The following TRPC1 variants were observed in gnomAD, a reference collection of about 807,000 sequenced individuals.
TRPC1 encodes the protein transient receptor potential cation channel subfamily C member 1, also known as short transient receptor potential channel 1.
Under a neutral mutation model 88.2 loss-of-function variants are expected in TRPC1, and 42 were observed. That is an observed-to-expected ratio of 0.48 (90% CI 0.37 to 0.62). TRPC1 has a LOEUF of 0.62. Among genes scored for constraint, TRPC1 ranks in the 20% least tolerant of loss-of-function variants. The probability of loss-of-function intolerance (pLI) is 0.00; values close to 1 mark genes in which losing one functional copy is unlikely to be tolerated. For synonymous variants in TRPC1, 288 were observed against 331.8 expected (o/e 0.87, Z 1.43); for missense variants, 699 against 957.3 (o/e 0.73, Z 3.56).
At chr3:142,763,195 C>T (rs975087519) in intron 4 of TRPC1, among the ~76,000 whole-genome samples, 7 of 151,880 alleles carry the variant, frequency 4.6e-5, no homozygotes, top group African/African-American at 1.2e-4. Context: ...AGATCTAGTG[C>T]GTAGTTTAAT....
In TRPC1 at chr3:142,728,210, G is replaced by T. The variant is rs545624745; in HGVS notation, c.172+3479G>T. Among the ~76,000 whole-genome samples the T allele has an allele frequency of 2.4e-4, 36 of 152,272 alleles. No homozygotes were observed. The South Asian group carries it at 7.3e-3, about 31-fold the overall frequency. On this transcript the variant is annotated intron_variant, in intron 1 of 12. Transcript: ENST00000476941. ...TCTTGAAATTTCAGCATGGGGTTAGGGGGAGGGATGGAGAGAGCAGGTTTT... is the reference window on the plus strand; with the variant it reads ...TCTTGAAATTTCAGCATGGGGTTAGTGGGAGGGATGGAGAGAGCAGGTTTT...
chr3:142,731,459 A>G (rs1933908490), intron 1 of TRPC1, among the ~76,000 whole-genome samples: 2 of 133,192 alleles, frequency 1.5e-5, no homozygotes, highest in Non-Finnish European at 3.0e-5. Flanking sequence ...ATCTCGGTTC[A>G]CTGCAAGCTC....
chr3:142,767,555 T>C lies in TRPC1; in HGVS notation c.633-10077T>C, dbSNP rs1935435316. Among the ~76,000 whole-genome samples the C allele has an allele frequency of 6.7e-6, 1 of 148,670 alleles. No individual in the cohort carries two copies. The highest frequency in any genetic ancestry group is 1.5e-5 in the Non-Finnish European group (1 of 67,280). On this transcript the variant is annotated intron_variant, in intron 4 of 12. Coordinates refer to ENST00000476941, the MANE Select transcript of TRPC1 (RefSeq NM_001251845.2). The surrounding 1 kb of genome is among the most constrained non-coding windows in gnomAD (Gnocchi z 5.1). ...AGATTATACTTTATTTTTAATGATA[T>C]CTTTGTTAAGATATCTTTATATATA...
At position 142,792,417 on chromosome 3, in the gene TRPC1, G is replaced by GA. The variant is rs942489880; in HGVS notation, c.1438-400dup. 1.5e-4 allele frequency among the ~76,000 whole-genome samples: 23 copies of GA among 151,696 alleles called. No homozygotes were observed. The highest frequency in any genetic ancestry group is 4.1e-4 in the African/African-American group (17 of 41,422). ...TTTTTATTTTGTATTTAAAAGGGGG[G>GA]AAAAAAACTCTGAATTCCAAGTCAA... On this transcript the variant is annotated intron_variant, in intron 8 of 12. Transcript: ENST00000476941. This position sits in a 1 kb window ranked among gnomAD's most constrained non-coding sequence, Gnocchi z 4.0.
chr3:142,725,642 C>G (rs1429264506), intron 1 of TRPC1, among the ~76,000 whole-genome samples: 1 of 152,074 alleles, frequency 6.6e-6, no homozygotes, highest in Admixed American at 6.6e-5. Flanking sequence ...CATGGAAACA[C>G]TAAAATTTTT....
intron 9 of TRPC1, among the ~76,000 whole-genome samples, chr3:142,794,145 T>A (rs889306088): frequency 4.6e-5 from 7 of 152,170 alleles, no homozygotes; most frequent in Admixed American, 1.3e-4. Flanking sequence ...CAAAACACAG[T>A]AAGCCATAGA....
intron 3 of TRPC1, among the ~76,000 whole-genome samples, chr3:142,746,322 CTT>C (rs1934553637): frequency 3.3e-5 from 5 of 151,914 alleles, no homozygotes; most frequent in Non-Finnish European, 5.9e-5. Context: ...GAACTTTAAT[CTT>C]ATGCATATCT....
intron 4 of TRPC1, among the ~76,000 whole-genome samples, chr3:142,771,417 C>A (rs1020781107): frequency 1.3e-5 from 2 of 152,034 alleles, no homozygotes; most frequent in Non-Finnish European, 2.9e-5. Flanking sequence ...CTCAAGCAGT[C>A]CCCCCGCCAG....
intron 1 of TRPC1, among the ~76,000 whole-genome samples, chr3:142,733,627 T>A (rs1934017761): frequency 6.6e-6 from 1 of 152,240 alleles, no homozygotes. Flanking sequence ...CTATTTGCTA[T>A]ACCTGAAATT....
At chr3:142,790,751 T>G (rs993051698) in intron 7 of TRPC1, among the ~76,000 whole-genome samples, 2 of 152,140 alleles carry the variant, frequency 1.3e-5, no homozygotes, top group African/African-American at 4.8e-5. Context: ...TGTGCCCATG[T>G]GTGTTTGGCA....
chr3:142,744,865 C>T (rs549300233), intron 3 of TRPC1, among the ~76,000 whole-genome samples: 2 of 151,912 alleles, frequency 1.3e-5, no homozygotes, highest in Non-Finnish European at 2.9e-5. Flanking sequence ...TTATTGGTGA[C>T]GATACCGTGA....
At chr3:142,769,866 G>C (rs1935517909) in intron 4 of TRPC1, among the ~76,000 whole-genome samples, 1 of 152,082 alleles carries the variant, frequency 6.6e-6, no homozygotes, top group Non-Finnish European at 1.5e-5. Context: ...GTTTGATAGA[G>C]TGTTCTGTAG....
intron 9 of TRPC1, among the ~76,000 whole-genome samples, chr3:142,797,268 A>T (rs1481504458): frequency 6.7e-6 from 1 of 150,204 alleles, no homozygotes; most frequent in African/African-American, 2.5e-5. Flanking sequence ...TTCCTACTTC[A>T]TTTAGGATAG....
intron 1 of TRPC1, among the ~76,000 whole-genome samples, chr3:142,725,336 T>C (rs1373843847): frequency 6.6e-6 from 1 of 152,230 alleles, no homozygotes; most frequent in Non-Finnish European, 1.5e-5. Context: ...TCTGCCTTAG[T>C]TGCCAAAACT....
Position 142,736,396 on chromosome 3 carries a change from A to G in TRPC1, c.190A>G (p.Lys64Glu), listed in dbSNP as rs775472094. The change falls in exon 2 of 13, where the codon AAA (lysine) becomes GAA (glutamate). Residue 64 changes from lysine to glutamate, a missense_variant. Coordinates refer to ENST00000476941, the MANE Select transcript of TRPC1 (RefSeq NM_001251845.2). ...TTATTTAGGTGACTATTATATGGTT[A>G]AAAAGATTTTGGAGGAAAACAGTTC... ...ACDKGDYYMV[K>E]KILEENSSGD... 3.7e-6 allele frequency: 6 copies of G among 1,607,122 alleles called. No individual in the cohort carries two copies. The highest frequency in any genetic ancestry group is 3.4e-6 in the Non-Finnish European group (4 of 1,177,378).
In TRPC1 at chr3:142,748,270, C is replaced by T. The variant is rs761788159; in HGVS notation, c.442C>T (p.Arg148Ter). 12 of 1,612,748 alleles carry T rather than the reference C, an allele frequency of 7.4e-6. No homozygotes were observed. The highest frequency in any genetic ancestry group is 2.7e-5 in the African/African-American group (2 of 74,856). The change falls in exon 4 of 13, where the codon CGA becomes TGA. Residue 148 changes from arginine to a stop codon, truncating the protein, a stop_gained. Transcript: ENST00000476941. LOFTEE classifies it high-confidence loss of function. ...AAATATTTTTCAGAAACTAATGGAA[C>T]GAATTCAGAATCCTGAGTATTCAAC... Reference protein sequence around the residue: ...SRPTIVKLMERIQNPEYSTTM... With the variant: ...SRPTIVKLME
intron 4 of TRPC1, among the ~76,000 whole-genome samples, chr3:142,772,123 A>G (rs886336341): frequency 2.0e-5 from 3 of 151,852 alleles, no homozygotes; most frequent in African/African-American, 7.3e-5. Context: ...CATTTTTACT[A>G]TGATGTTTCT....
chr3:142,787,412 AC>A (rs1311390432), intron 7 of TRPC1, among the ~76,000 whole-genome samples: 8 of 152,168 alleles, frequency 5.3e-5, no homozygotes, highest in Non-Finnish European at 7.4e-5. Context: ...ACTCATCATG[AC>A]CAATTTTTGT....
At position 142,806,283 on chromosome 3, in the gene TRPC1, A is replaced by C. The variant is rs1392397657; in HGVS notation, c.*48A>C. ...AATAATTTTCAATAACAGATCCAAA[A>C]GACTATATTGCATAACTTGCAATGA... On this transcript the variant is annotated 3_prime_UTR_variant, in exon 13 of 13. Transcript: ENST00000476941. The C allele has an allele frequency of 7.0e-7, 1 of 1,419,964 alleles. No individual in the cohort carries two copies. Among genetic ancestry groups the C allele is most frequent in the South Asian group, 1.3e-5 (1 of 79,028 alleles). The allele number at this position is 1,419,964 out of a possible 1,614,324, so 88.0% of individuals were successfully genotyped here. A position where few individuals can be genotyped will look rare whatever the true frequency, so the allele number is the denominator to read the frequency against.
Sources: allele counts gnomAD v4.1 joint callset (sites outside exome capture counted in the v4.1 genomes callset), GRCh38; gene constraint gnomAD v4.1.1; non-coding constraint Gnocchi (gnomAD v3.1); transcripts MANE v1.5; gene names NCBI Gene and HGNC (gene_info 2026-07-23, HGNC 2026-07-21).